Variants in SRCIN1 observed in about 807,000 individuals in gnomAD.
SRCIN1 encodes SRC kinase signaling inhibitor 1.
Under a neutral mutation model 116.2 loss-of-function variants are expected in SRCIN1, and 50 were observed. That is an observed-to-expected ratio of 0.43 (90% CI 0.34 to 0.54). The LOEUF (loss-of-function observed/expected upper bound fraction) is 0.54, where lower values mean the gene tolerates loss of function less well. SRCIN1 is among the 20% of genes least tolerant of loss of function. SRCIN1 has a pLI of 0.02. For synonymous variants in SRCIN1, 736 were observed against 750.0 expected (o/e 0.98, Z 0.30); for missense variants, 1,446 against 1,672.0 (o/e 0.86, Z 2.36).
In SRCIN1 at chr17:38,568,185, T is replaced by A; in HGVS notation, c.345+26A>T. 1 of 1,612,148 alleles carries A rather than the reference T, an allele frequency of 6.2e-7. No individual in the cohort carries two copies. Among genetic ancestry groups the A allele is most frequent in the South Asian group, 1.1e-5 (1 of 90,562 alleles). On this transcript the variant is annotated intron_variant, in intron 3 of 18. Transcript: ENST00000617146. This position sits in a 1 kb window ranked among gnomAD's most constrained non-coding sequence, Gnocchi z 4.5. The stretch of plus-strand genomic sequence containing the variant: ...GGAGGGAGAGCACATGCAGTTGTCA[T>A]GGGAGCAGAGGCATCACACACTGAC...
Position 38,578,783 on chromosome 17 carries a change from G to T in SRCIN1, c.31C>A (p.Arg11=). The change falls in exon 2 of 19, where the codon CGG becomes AGG. Residue 11 remains arginine (R), a synonymous_variant. Transcript: ENST00000617146. ...GCAGACAGCATGGGGGGGCTGCTCC[G>T]CTCCGGATCTGCGAGAGGTGAGAGG... MGNAPSQDPE[R]SSPPMLSADD... 6.7e-7 allele frequency: 1 copy of T among 1,495,186 alleles called. No individual in the cohort carries two copies. Among genetic ancestry groups the T allele is most frequent in the Non-Finnish European group, 8.9e-7 (1 of 1,124,298 alleles). The allele number at this position is 1,495,186 out of a possible 1,614,324, so 92.6% of individuals were successfully genotyped here.
chr17:38,550,257 G>A lies in SRCIN1; in HGVS notation c.2962+898C>T, dbSNP rs1042852222. ...AGTCTGTAATCCCAGCACTTTGGGAGGCCAAGGTGGGCGGATCACGAGGTC... is the reference window on the plus strand; with the variant it reads ...AGTCTGTAATCCCAGCACTTTGGGAAGCCAAGGTGGGCGGATCACGAGGTC... On this transcript the variant is annotated intron_variant, in intron 15 of 18. Coordinates refer to ENST00000617146, the MANE Select transcript of SRCIN1 (RefSeq NM_025248.3). 3.3e-5 allele frequency among the ~76,000 whole-genome samples: 5 copies of A among 152,182 alleles called. No individual in the cohort carries two copies. The South Asian group carries it at 6.2e-4, about 19-fold the overall frequency.
Position 38,562,170 on chromosome 17 carries a change from C to G in SRCIN1, c.993G>C (p.Ser331=). ...ACGAAGGCGGGCGCCCCCCGGCGTA[C>G]GATAGGCGCGAACGCGACGGCGAAC... ...QSGSPSRSRL[S]YAGGRPPSYA... Residue 331 remains serine, a synonymous_variant, in exon 7 of 19, where the codon TCG becomes TCC. Coordinates refer to ENST00000617146, the MANE Select transcript of SRCIN1 (RefSeq NM_025248.3). The surrounding 1 kb of genome is among the most constrained non-coding windows in gnomAD (Gnocchi z 4.2). The G allele has an allele frequency of 7.2e-7, 1 of 1,380,212 alleles. No individual in the cohort carries two copies. The highest frequency in any genetic ancestry group is 9.3e-7 in the Non-Finnish European group (1 of 1,075,878). The allele number at this position is 1,380,212 out of a possible 1,614,324, so 85.5% of individuals were successfully genotyped here. A position where few individuals can be genotyped will look rare whatever the true frequency, so the allele number is the denominator to read the frequency against.
chr17:38,563,281 G>T lies in SRCIN1; in HGVS notation c.740+42C>A, dbSNP rs1240069476. The stretch of plus-strand genomic sequence containing the variant: ...GGGTCCAGCACCCTGCAGAGGAGGA[G>T]CGTGGGGAAGCCCACCCAAATCCCC... On this transcript the variant is annotated intron_variant, in intron 5 of 18. Coordinates refer to ENST00000617146, the MANE Select transcript of SRCIN1 (RefSeq NM_025248.3). The surrounding 1 kb of genome is among the most constrained non-coding windows in gnomAD (Gnocchi z 5.8). 1 of 1,549,316 alleles carries T rather than the reference G, an allele frequency of 6.5e-7. No individual in the cohort carries two copies. The highest frequency in any genetic ancestry group is 1.2e-5 in the South Asian group (1 of 84,090).
At chr17:38,542,930 C>A in intron 18 of SRCIN1, 1 of 387,778 alleles carries the variant, frequency 2.6e-6, no homozygotes, top group South Asian at 1.9e-5. Context: ...GGACATATCA[C>A]AGCCCCCACC....
At chr17:38,548,536 G>A (rs750614994) in intron 17 of SRCIN1, 21 bp downstream of exon 17, 4 of 1,607,108 alleles carry the variant, frequency 2.5e-6, no homozygotes, top group African/African-American at 1.3e-5. Flanking sequence ...GACCTTGGGG[G>A]CCAGGTGTGC....
chr17:38,578,454 G>GCAGCCGGA, intron 2 of SRCIN1, 36 bp downstream of exon 2: 1 of 1,528,260 alleles, frequency 6.5e-7, no homozygotes, highest in Non-Finnish European at 8.8e-7. Context: ...CGCTGGCCGC[G>GCAGCCGGA]GCCGCAGCCG....
rs776036259 is a variant in SRCIN1, at chr17:38,551,966, G to A, written c.2647C>T (p.Leu883Phe). ...GTGGGGTTGCCCCCCTTGGGGGTAA[G>A]AGAGGCTCCTTCAGCTGGCCCGCTC... ...ELSGPAEGAS[L>F]TPKGGNPTKG... The change falls in exon 14 of 19, where the codon CTT (leucine) becomes TTT (phenylalanine). Residue 883 changes from leucine to phenylalanine, a missense_variant. By Grantham distance (22) the Leu-to-Phe change is conservative. Transcript: ENST00000617146. 116 of 1,613,958 alleles carry A rather than the reference G, an allele frequency of 7.2e-5. No individual in the cohort carries two copies. The highest frequency in any genetic ancestry group is 3.3e-4 in the Middle Eastern group (2 of 6,084).
intron 3 of SRCIN1, among the ~76,000 whole-genome samples, chr17:38,566,866 T>TTTCCTTCCTTCCTCCC (rs1906728505): frequency 7.6e-6 from 1 of 131,920 alleles, no homozygotes; most frequent in African/African-American, 3.0e-5. Flanking sequence ...TTTTGTTTCG[T>TTTCCTTCCTTCCTCCC]TTCCTTCCTT....
Position 38,552,018 on chromosome 17 carries a change from G to T in SRCIN1, c.2595C>A (p.Pro865=). ...GCTCATGCAGGTTCAGCGGGGGGCT[G>T]GGGGGTGGCATTTCGAAGTCCACGC... is the stretch of plus-strand genomic sequence containing the variant. ...NKSVDFEMPP[P]SPPLNLHELS... is the part of the protein sequence containing the mutation. The change falls in exon 14 of 19, where the codon CCC becomes CCA. Residue 865 remains proline (P), a synonymous_variant. Coordinates refer to ENST00000617146, the MANE Select transcript of SRCIN1 (RefSeq NM_025248.3). This position sits in a 1 kb window ranked among gnomAD's most constrained non-coding sequence, Gnocchi z 5.3. 1.2e-6 allele frequency: 2 copies of T among 1,613,452 alleles called. No individual in the cohort carries two copies. The highest frequency in any genetic ancestry group is 8.5e-7 in the Non-Finnish European group (1 of 1,179,576).
chr17:38,533,089 A>T lies in SRCIN1; in HGVS notation c.*208T>A. The T allele has an allele frequency of 2.4e-6, 1 of 411,414 alleles. No individual in the cohort carries two copies. Among genetic ancestry groups the T allele is most frequent in the Non-Finnish European group, 3.9e-6 (1 of 257,464 alleles). 25.5% of individuals were successfully genotyped at this position (411,414 alleles called of 1,614,324 possible). ...GTTTAAAAAAAGATAATTAAAAGTTAATTGTTAAAAAAAAAAAAAAAAACA... is the reference window on the plus strand; with the variant it reads ...GTTTAAAAAAAGATAATTAAAAGTTTATTGTTAAAAAAAAAAAAAAAAACA... On this transcript the variant is annotated 3_prime_UTR_variant, in exon 19 of 19. Transcript: ENST00000617146.
At chr17:38,542,718 G>A (rs73982824) in intron 18 of SRCIN1, 6,132 of 198,944 alleles carry the variant, frequency 0.031, 424 homozygotes, top group African/African-American at 0.13. Flanking sequence ...GTGCAGGGAA[G>A]GGTTCCAAGA....
At chr17:38,576,588 G>A (rs1907430575) in intron 2 of SRCIN1, among the ~76,000 whole-genome samples, 1 of 152,012 alleles carries the variant, frequency 6.6e-6, no homozygotes, top group South Asian at 2.1e-4. Context: ...AGCCTCTCTG[G>A]AGTCCTGAGT....
intron 18 of SRCIN1, among the ~76,000 whole-genome samples, chr17:38,543,589 G>A (rs990366587): frequency 1.3e-5 from 2 of 152,202 alleles, no homozygotes; most frequent in African/African-American, 2.4e-5. Context: ...CTCCTGAGAG[G>A]GGAGGTGCCT....
At chr17:38,565,785 G>A (rs73304430) in intron 3 of SRCIN1, among the ~76,000 whole-genome samples, 9,142 of 152,256 alleles carry the variant, frequency 0.06, 910 homozygotes, top group African/African-American at 0.21. Context: ...TAGATCAGAC[G>A]TGGGGACATC....
In SRCIN1 at chr17:38,559,204, C is replaced by A. The variant is rs1787470226; in HGVS notation, c.2025+381G>T. 6 of 280,534 alleles carry A rather than the reference C, an allele frequency of 2.1e-5. No homozygotes were observed. The South Asian group carries it at 4.0e-4, about 19-fold the overall frequency. 17.4% of individuals were successfully genotyped at this position (280,534 alleles called of 1,614,324 possible). On this transcript the variant is annotated intron_variant, in intron 10 of 18. Coordinates refer to ENST00000617146, the MANE Select transcript of SRCIN1 (RefSeq NM_025248.3). Reference sequence around the variant, plus strand: ...GCTGAGAGGACTTGGGGGAAGGGCTCTCGCTGACTCAGGGAAAGGGATGCA... The same window carrying A: ...GCTGAGAGGACTTGGGGGAAGGGCTATCGCTGACTCAGGGAAAGGGATGCA...
intron 2 of SRCIN1, among the ~76,000 whole-genome samples, chr17:38,569,730 G>A (rs1044889688): frequency 6.6e-6 from 1 of 152,174 alleles, no homozygotes; most frequent in Non-Finnish European, 1.5e-5. Context: ...GGACAACAAA[G>A]TCTGTGTCCC....
intron 1 of SRCIN1, among the ~76,000 whole-genome samples, chr17:38,588,160 C>G (rs554628971): frequency 6.6e-6 from 1 of 152,280 alleles, no homozygotes; most frequent in Non-Finnish European, 1.5e-5. Flanking sequence ...TGAGCAGAGT[C>G]AGTTTCTTCT....
chr17:38,568,537 G>A lies in SRCIN1; in HGVS notation c.325-306C>T, dbSNP rs140027369. ...ATGAGGCAGTCACAAGAGAGGCAGC[G>A]ACAAAGCTGAGCTGTGGGGTCAGAG... On this transcript the variant is annotated intron_variant, in intron 2 of 18. Coordinates refer to ENST00000617146, the MANE Select transcript of SRCIN1 (RefSeq NM_025248.3). This position sits in a 1 kb window ranked among gnomAD's most constrained non-coding sequence, Gnocchi z 4.5. 2.0e-3 allele frequency among the ~76,000 whole-genome samples: 301 copies of A among 152,314 alleles called. 2 individuals carry two copies. The highest frequency in any genetic ancestry group is 0.017 in the Admixed American group (259 of 15,304).
Sources: gnomAD v4.1 joint callset for allele counts (sites outside exome capture counted in the v4.1 genomes callset) on GRCh38, gnomAD v4.1.1 for gene constraint, Gnocchi (gnomAD v3.1) non-coding constraint, MANE v1.5 for transcripts, NCBI Gene and HGNC (gene_info 2026-07-23, HGNC 2026-07-21) for gene names.